RIC1: variants seen among roughly 807,000 people sequenced by gnomAD.
RIC1 encodes the protein RIC1 partner of RAB6A GEF complex.
A neutral mutation model predicts 169.0 loss-of-function variants in RIC1; 88 were observed. That is an observed-to-expected ratio of 0.52 (90% CI 0.44 to 0.62). The LOEUF (loss-of-function observed/expected upper bound fraction) is 0.62. Among genes scored for constraint, RIC1 ranks in the 20% least tolerant of loss-of-function variants. RIC1 has a pLI of 0.00. For missense variants in RIC1, 1,877 were observed against 1,725.5 expected (o/e 1.09, Z -1.56); for synonymous variants, 790 against 601.5 (o/e 1.31, Z -4.59).
intron 14 of RIC1, 83 bp downstream of exon 14, chr9:5,753,729 A>C (rs1322465996): frequency 3.5e-6 from 2 of 568,342 alleles, no homozygotes; most frequent in Non-Finnish European, 5.8e-6. Context: ...TTTATCACTA[A>C]GTAATTTTGG....
At chr9:5,669,321 A>G (rs955411553) in intron 2 of RIC1, among the ~76,000 whole-genome samples, 5 of 152,078 alleles carry the variant, frequency 3.3e-5, no homozygotes, top group Non-Finnish European at 5.9e-5. Flanking sequence ...AGTCCATTGT[A>G]TCATTATTAT....
intron 12 of RIC1, among the ~76,000 whole-genome samples, chr9:5,747,803 G>A (rs2025310): frequency 0.99 from 150,827 of 152,268 alleles, 74,704 homozygotes; most frequent in East Asian, 1. Flanking sequence ...CTCTTTTTTT[G>A]TATAAATTTA....
chr9:5,716,695 C>A (rs147266157), intron 4 of RIC1, among the ~76,000 whole-genome samples: 1 of 152,174 alleles, frequency 6.6e-6, no homozygotes, highest in Non-Finnish European at 1.5e-5. Context: ...CGCCCTACTA[C>A]GCCAATAATG....
chr9:5,670,654 T>C (rs1347047929), intron 2 of RIC1, among the ~76,000 whole-genome samples: 1 of 152,230 alleles, frequency 6.6e-6, no homozygotes, highest in Non-Finnish European at 1.5e-5. Flanking sequence ...TGAGCCCAGA[T>C]ATATCCATTA....
At chr9:5,636,789 A>C (rs2130268413) in intron 1 of RIC1, among the ~76,000 whole-genome samples, 1 of 152,246 alleles carries the variant, frequency 6.6e-6, no homozygotes, top group Non-Finnish European at 1.5e-5. Flanking sequence ...CTTCAGAGAC[A>C]ATTTTGCTTT....
Position 5,679,221 on chromosome 9 carries a change from A to C in RIC1, c.253-10738A>C, listed in dbSNP as rs10975234. 5.1e-3 allele frequency among the ~76,000 whole-genome samples: 774 copies of C among 151,448 alleles called. 5 individuals are homozygous for C. The highest frequency in any genetic ancestry group is 8.5e-3 in the South Asian group (41 of 4,798). On this transcript the variant is annotated intron_variant, in intron 2 of 25. Coordinates refer to ENST00000414202, the MANE Select transcript of RIC1 (RefSeq NM_020829.4). Reference sequence around the variant, plus strand: ...TGGTCTATATCTCTGTTTTGGTACCAGTACTGTTTTGGTTACTATAGCCTT... The same window carrying C: ...TGGTCTATATCTCTGTTTTGGTACCCGTACTGTTTTGGTTACTATAGCCTT...
At chr9:5,723,170 C>T (rs1033562707) in intron 6 of RIC1, among the ~76,000 whole-genome samples, 5 of 152,222 alleles carry the variant, frequency 3.3e-5, no homozygotes, top group Non-Finnish European at 7.3e-5. Flanking sequence ...TACAGTCCCA[C>T]CAACAGTGTA....
At position 5,774,798 on chromosome 9, in the gene RIC1, C is replaced by CT. The variant is rs890183657; in HGVS notation, c.*552_*553insT. 3.3e-5 allele frequency: 5 copies of CT among 152,284 alleles called. No individual in the cohort carries two copies. Among genetic ancestry groups the CT allele is most frequent in the Admixed American group, 6.5e-5 (1 of 15,290 alleles). The allele number at this position is 152,284 out of a possible 1,614,324, so 9.4% of individuals were successfully genotyped here. A position where few individuals can be genotyped will look rare whatever the true frequency, so the allele number is the denominator to read the frequency against. ...ATTCTCCTTGGCTTTACTAGCCAGTCAAATCCCAGTCCAGAATTGATGGAA... is the reference window on the plus strand; with the variant it reads ...ATTCTCCTTGGCTTTACTAGCCAGTCTAAATCCCAGTCCAGAATTGATGGAA... On this transcript the variant is annotated 3_prime_UTR_variant, in exon 26 of 26. Transcript: ENST00000414202.
chr9:5,725,796 C>T (rs1424470248), intron 6 of RIC1, among the ~76,000 whole-genome samples: 5 of 152,222 alleles, frequency 3.3e-5, no homozygotes, highest in Non-Finnish European at 7.4e-5. Flanking sequence ...ATCTTTATTT[C>T]TGCCTTCATT....
At position 5,775,907 on chromosome 9, in the gene RIC1, C is replaced by T. The variant is rs1827557155; in HGVS notation, c.*1661C>T. 1 of 152,110 alleles carries T rather than the reference C, an allele frequency of 6.6e-6. No homozygotes were observed. Among genetic ancestry groups the T allele is most frequent in the African/African-American group, 2.4e-5 (1 of 41,428 alleles). 9.4% of individuals were successfully genotyped at this position (152,110 alleles called of 1,614,324 possible). A position where few individuals can be genotyped will look rare whatever the true frequency, so the allele number is the denominator to read the frequency against. On this transcript the variant is annotated 3_prime_UTR_variant, in exon 26 of 26. Coordinates refer to ENST00000414202, the MANE Select transcript of RIC1 (RefSeq NM_020829.4). ...TGTTTCAAACCACCTTTCCCTGAAT[C>T]TTAAAGATAATGTTTTGCATGTGAG...
intron 7 of RIC1, among the ~76,000 whole-genome samples, chr9:5,737,100 G>T (rs1182005444): frequency 1.3e-5 from 2 of 151,974 alleles, no homozygotes; most frequent in Non-Finnish European, 2.9e-5. Context: ...CACTATAAAT[G>T]TTGCATAAGT....
At chr9:5,680,888 G>A (rs1385480942) in intron 2 of RIC1, among the ~76,000 whole-genome samples, 4 of 135,684 alleles carry the variant, frequency 2.9e-5, no homozygotes, top group Admixed American at 2.4e-4. Context: ...GTGCAGTGGC[G>A]CGATCTCGGC....
intron 2 of RIC1, among the ~76,000 whole-genome samples, chr9:5,663,105 C>T (rs1407811341): frequency 1.3e-5 from 2 of 152,168 alleles, no homozygotes; most frequent in African/African-American, 4.8e-5. Context: ...CACTCAGGAG[C>T]AGGCTGTTCA....
chr9:5,683,297 A>C (rs1450297656), intron 2 of RIC1, among the ~76,000 whole-genome samples: 1 of 151,926 alleles, frequency 6.6e-6, no homozygotes, highest in Non-Finnish European at 1.5e-5. Flanking sequence ...TTGGTCTTTG[A>C]TGATGGTGAC....
intron 2 of RIC1, among the ~76,000 whole-genome samples, chr9:5,684,503 C>T (rs1163804607): frequency 2.0e-5 from 3 of 152,004 alleles, no homozygotes; most frequent in Non-Finnish European, 4.4e-5. Context: ...TTATCCATAT[C>T]TCACAACTTT....
chr9:5,662,315 GT>G (rs1264304207), intron 2 of RIC1, among the ~76,000 whole-genome samples: 2 of 152,150 alleles, frequency 1.3e-5, no homozygotes, highest in African/African-American at 2.4e-5. Flanking sequence ...TCTCTGCCAG[GT>G]TTTGGTATCA....
chr9:5,666,324 T>A (rs944822285), intron 2 of RIC1, among the ~76,000 whole-genome samples: 1 of 152,246 alleles, frequency 6.6e-6, no homozygotes, highest in South Asian at 2.1e-4. Flanking sequence ...TTAGCTCTAA[T>A]AATTTTTGTG....
chr9:5,768,912 G>C (rs1275053350), intron 21 of RIC1, 58 bp from the exon 22 acceptor site: 2 of 1,528,702 alleles, frequency 1.3e-6, no homozygotes, highest in African/African-American at 2.8e-5. Context: ...TGCGTAATAA[G>C]GATGTGAAAT....
At chr9:5,712,560 A>G (rs893628954) in intron 3 of RIC1, among the ~76,000 whole-genome samples, 2 of 152,178 alleles carry the variant, frequency 1.3e-5, no homozygotes, top group Non-Finnish European at 2.9e-5. Flanking sequence ...AAGAAGACAT[A>G]TGTCTTTTTA....
Sources: gnomAD v4.1 joint callset for allele counts (sites outside exome capture counted in the v4.1 genomes callset) on GRCh38, gnomAD v4.1.1 for gene constraint, MANE v1.5 for transcripts, NCBI Gene and HGNC (gene_info 2026-07-23, HGNC 2026-07-21) for gene names.